The following CTNNA2 variants were observed in gnomAD, a reference collection of about 807,000 sequenced individuals.
CTNNA2 encodes the protein catenin alpha 2.
CTNNA2 carries 42 observed loss-of-function variants against 101.0 expected under a neutral mutation model. That is an observed-to-expected ratio of 0.42 (90% CI 0.32 to 0.54). The LOEUF is 0.54. Among genes scored for constraint, CTNNA2 ranks in the 20% least tolerant of loss-of-function variants. CTNNA2 has a pLI of 0.14. For missense variants in CTNNA2, 871 were observed against 1,223.1 expected (o/e 0.71, Z 4.29); for synonymous variants, 450 against 456.4 (o/e 0.99, Z 0.18).
chr2:79,441,117 A>G (rs900559584), intron 4 of CTNNA2, among the ~76,000 whole-genome samples: 3 of 152,170 alleles, frequency 2.0e-5, no homozygotes, highest in Non-Finnish European at 2.9e-5. Context: ...GGAGCAGTTC[A>G]CTTCCTTAGC....
At chr2:79,581,576 G>A (rs1676150865) in intron 1 of CTNNA2, among the ~76,000 whole-genome samples, 1 of 151,754 alleles carries the variant, frequency 6.6e-6, no homozygotes, top group Non-Finnish European at 1.5e-5. Flanking sequence ...CTTTGATTTT[G>A]CCTCTTCCCA....
intron 18 of CTNNA2, among the ~76,000 whole-genome samples, chr2:80,622,681 G>A (rs1671250889): frequency 6.6e-6 from 1 of 151,886 alleles, no homozygotes; most frequent in Non-Finnish European, 1.5e-5. Flanking sequence ...CTCTGTTGCT[G>A]TAGACTTGCA....
rs183458571 is a variant in CTNNA2 at position 79,852,735 on chromosome 2, G to C, written c.299-5278G>C. Among the ~76,000 whole-genome samples, 552 of 151,958 alleles carry C rather than the reference G, an allele frequency of 3.6e-3. 5 individuals are homozygous for C. Among genetic ancestry groups the C allele is most frequent in the African/African-American group, 0.013 (532 of 41,430 alleles). ...GCCTCCCAAGTAGCTGGGACTACAG[G>C]TGCACACCACCACGCCTAGCTAATT... On this transcript the variant is annotated intron_variant, in intron 3 of 18. Transcript: ENST00000402739.
At chr2:79,706,945 A>G (rs1456568445) in intron 2 of CTNNA2, among the ~76,000 whole-genome samples, 3 of 152,292 alleles carry the variant, frequency 2.0e-5, no homozygotes, top group African/African-American at 7.2e-5. Context: ...CAGAATCCTG[A>G]CTACACAGAG....
chr2:79,851,737 C>CTTTTT (rs11399192), intron 3 of CTNNA2, among the ~76,000 whole-genome samples: 37 of 87,142 alleles, frequency 4.2e-4, no homozygotes, highest in African/African-American at 1.2e-3. Context: ...TTTTCTTTTC[C>CTTTTT]TTTTTTTTTT....
chr2:80,525,620 G>T (rs1689969708), intron 9 of CTNNA2, among the ~76,000 whole-genome samples: 1 of 152,084 alleles, frequency 6.6e-6, no homozygotes, highest in African/African-American at 2.4e-5. Context: ...TCAAATGTTT[G>T]CTTTTGTTTT....
At chr2:79,333,618 T>TA (rs1405053983) in intron 3 of CTNNA2, among the ~76,000 whole-genome samples, 6 of 152,130 alleles carry the variant, frequency 3.9e-5, no homozygotes, top group African/African-American at 1.4e-4. Flanking sequence ...CAAAGACCCA[T>TA]AATATTTTTC....
rs145600896 is a variant in CTNNA2 at position 79,779,746 on chromosome 2, T to G, written c.298+35164T>G. Among the ~76,000 whole-genome samples, 69 of 152,222 alleles carry G rather than the reference T, an allele frequency of 4.5e-4. 1 individual carries two copies. In the East Asian group the frequency reaches 9.9e-3, roughly 22 times the overall value. On this transcript the variant is annotated intron_variant, in intron 3 of 18. Coordinates refer to ENST00000402739, the MANE Select transcript of CTNNA2 (RefSeq NM_001282597.3). The stretch of plus-strand genomic sequence containing the variant: ...ATGACAGTCACACAGAGAGGAGCCA[T>G]TGCAGGATGAGCTTGAAAGTTCACC...
intron 7 of CTNNA2, among the ~76,000 whole-genome samples, chr2:80,224,277 T>C (rs11685578): frequency 0.03 from 4,582 of 152,204 alleles, 71 homozygotes; most frequent in East Asian, 0.05. Context: ...CTCTTCTCTT[T>C]TATAATTAAT....
chr2:80,340,033 C>A (rs1473128747), intron 7 of CTNNA2, among the ~76,000 whole-genome samples: 1 of 152,162 alleles, frequency 6.6e-6, no homozygotes, highest in African/African-American at 2.4e-5. Flanking sequence ...GCAGCTTTTT[C>A]ATCAAACATA....
In CTNNA2 at chr2:80,045,865, G is replaced by A. The variant is rs949808005; in HGVS notation, c.1056+136068G>A. Among the ~76,000 whole-genome samples the A allele has an allele frequency of 6.6e-5, 10 of 152,208 alleles. No individual in the cohort carries two copies. In the Middle Eastern group the frequency reaches 0.01, roughly 155 times the overall value. On this transcript the variant is annotated intron_variant, in intron 7 of 18. Transcript: ENST00000402739. ...AAACAATAGAATAGAAATAAAGATG[G>A]CATATTTTTTCAGTTTAATCAACCT...
At chr2:80,230,822 T>A (rs1438086464) in intron 7 of CTNNA2, among the ~76,000 whole-genome samples, 2 of 152,186 alleles carry the variant, frequency 1.3e-5, no homozygotes, top group Non-Finnish European at 2.9e-5. Flanking sequence ...GCTCTACCTT[T>A]GTACTTTTTA....
At chr2:79,523,437 T>A (rs145404767) in intron 1 of CTNNA2, 1 of 192,830 alleles carries the variant, frequency 5.2e-6, no homozygotes, top group East Asian at 1.4e-4. Context: ...TATACACCAT[T>A]GTTTTTTTTA....
intron 4 of CTNNA2, among the ~76,000 whole-genome samples, chr2:79,429,827 A>T (rs1187444831): frequency 6.6e-6 from 1 of 152,152 alleles, no homozygotes; most frequent in African/African-American, 2.4e-5. Context: ...AGAAAACAAG[A>T]GTATGTGAGG....
At chr2:79,760,307 GTGTGTA>G (rs1172790819) in intron 3 of CTNNA2, among the ~76,000 whole-genome samples, 20 of 149,442 alleles carry the variant, frequency 1.3e-4, no homozygotes, top group Admixed American at 4.7e-4. Context: ...GTGTGTGTGT[GTGTGTA>G]TATAATCTTT....
Position 79,331,523 on chromosome 2 carries a change from C to A in CTNNA2, c.-318+18727C>A, listed in dbSNP as rs752349912. ...ACTTCTTATGCCTTCCAGAAAATTC[C>A]TTCAACTTTTCTTATTCTGCTTCTA... On this transcript the variant is annotated intron_variant, in intron 3 of 21. Transcript: ENST00000466387. 3.9e-5 allele frequency among the ~76,000 whole-genome samples: 6 copies of A among 152,156 alleles called. No individual in the cohort carries two copies. In the South Asian group the frequency reaches 1.2e-3, roughly 32 times the overall value.
At chr2:80,044,301 C>A (rs1171867684) in intron 7 of CTNNA2, among the ~76,000 whole-genome samples, 1 of 151,962 alleles carries the variant, frequency 6.6e-6, no homozygotes, top group Non-Finnish European at 1.5e-5. Context: ...GTTACTTGAA[C>A]TATAGGTTTT....
intron 1 of CTNNA2, among the ~76,000 whole-genome samples, chr2:79,612,597 A>T (rs1678351633): frequency 6.6e-6 from 1 of 152,162 alleles, no homozygotes; most frequent in South Asian, 2.1e-4. Flanking sequence ...ATTTTAATTT[A>T]TATTTGTTTT....
At chr2:79,645,998 A>G (rs1174166896) in intron 1 of CTNNA2, among the ~76,000 whole-genome samples, 2 of 152,100 alleles carry the variant, frequency 1.3e-5, no homozygotes, top group Admixed American at 1.3e-4. Context: ...ATTGGTGAAG[A>G]AAAAAATTCA....
Sources: allele counts gnomAD v4.1 joint callset (sites outside exome capture counted in the v4.1 genomes callset), GRCh38; gene constraint gnomAD v4.1.1; transcripts MANE v1.5; gene names NCBI Gene and HGNC (gene_info 2026-07-23, HGNC 2026-07-21).